The following PCTP variants were observed in gnomAD, a reference collection of about 807,000 sequenced individuals.
The protein encoded by PCTP is phosphatidylcholine transfer protein.
PCTP carries 27 observed loss-of-function variants against 31.0 expected under a neutral mutation model. The observed-to-expected ratio is 0.87, with a 90% CI of 0.64 to 1.20. PCTP has a LOEUF of 1.20. PCTP is among the 50% of genes most tolerant of loss of function. PCTP has a pLI of 0.00. For synonymous variants in PCTP, 108 were observed against 101.2 expected, an observed-to-expected ratio of 1.07 and a Z score of -0.40; for missense variants, 287 against 268.2, an observed-to-expected ratio of 1.07 and a Z score of -0.49.
chr17:55,796,269 A>T (rs1912185441), intron 3 of PCTP, among the ~76,000 whole-genome samples: 1 of 152,024 alleles, frequency 6.6e-6, no homozygotes, highest in African/African-American at 2.4e-5. Flanking sequence ...GTAAGCAAGA[A>T]GAGACTCTCA....
At chr17:55,763,410 A>G (rs1212929029) in intron 1 of PCTP, among the ~76,000 whole-genome samples, 1 of 152,144 alleles carries the variant, frequency 6.6e-6, no homozygotes, top group East Asian at 1.9e-4. Flanking sequence ...TAATCTACTT[A>G]TCCTAAAATT....
intron 2 of PCTP, among the ~76,000 whole-genome samples, chr17:55,785,637 C>T (rs180930849): frequency 2.6e-5 from 4 of 152,316 alleles, no homozygotes; most frequent in Admixed American, 2.0e-4. Context: ...ACACCTTACC[C>T]AGTTTTGTTT....
chr17:55,846,148 C>T (rs554476249), downstream of PCTP, among the ~76,000 whole-genome samples: 6 of 152,138 alleles, frequency 3.9e-5, no homozygotes, highest in East Asian at 1.2e-3. Context: ...AAGTCCAACC[C>T]TGGGGAACTC....
intron 3 of PCTP, among the ~76,000 whole-genome samples, chr17:55,772,805 G>T (rs1911086436): frequency 6.6e-6 from 1 of 152,110 alleles, no homozygotes; most frequent in Non-Finnish European, 1.5e-5. Flanking sequence ...CCAGATCTGG[G>T]ATAAAAATTC....
rs559639362 is a variant in PCTP at position 55,757,256 on chromosome 17, A to T, written c.141+6012A>T. Among the ~76,000 whole-genome samples, 351 of 141,884 alleles carry T rather than the reference A, an allele frequency of 2.5e-3. 2 individuals carry two copies. Among genetic ancestry groups the T allele is most frequent in the Admixed American group, 4.2e-3 (63 of 14,880 alleles). The allele number at this position is 141,884 out of a possible 152,430, so 93.1% of individuals were successfully genotyped here. ...TATATACATGTATACATATATACAC[A>T]TATATGTGTATATACACAAGCATGT... is the stretch of plus-strand genomic sequence containing the variant. On this transcript the variant is annotated intron_variant, in intron 1 of 5. Transcript: ENST00000268896.
intron 3 of PCTP, among the ~76,000 whole-genome samples, chr17:55,805,191 T>C (rs776855066): frequency 6.6e-6 from 1 of 152,206 alleles, no homozygotes; most frequent in Non-Finnish European, 1.5e-5. Flanking sequence ...ATTATCAAAC[T>C]ATTTTCCTCG....
downstream of PCTP, among the ~76,000 whole-genome samples, chr17:55,823,280 A>T (rs1024406283): frequency 1.3e-5 from 2 of 152,228 alleles, no homozygotes; most frequent in Non-Finnish European, 2.9e-5. Context: ...TATTTTGCTG[A>T]TAAATTTAAA....
intron 3 of PCTP, among the ~76,000 whole-genome samples, chr17:55,816,856 A>G (rs1449874683): frequency 1.3e-5 from 2 of 152,228 alleles, no homozygotes; most frequent in Non-Finnish European, 2.9e-5. Flanking sequence ...TTGGAGCAGA[A>G]CGTTTGCTAA....
intron 4 of PCTP, among the ~76,000 whole-genome samples, chr17:55,774,328 G>A (rs1911186990): frequency 6.6e-6 from 1 of 152,166 alleles, no homozygotes; most frequent in South Asian, 2.1e-4. Context: ...TCAGCCCCCA[G>A]GGAGGAAAGC....
Position 55,751,085 on chromosome 17 carries a change from G to C in PCTP, c.-19G>C. The C allele has an allele frequency of 6.6e-7, 1 of 1,517,386 alleles. No individual in the cohort carries two copies. 94.0% of individuals were successfully genotyped at this position (1,517,386 alleles called of 1,614,324 possible). A position where few individuals can be genotyped will look rare whatever the true frequency, so the allele number is the denominator to read the frequency against. On this transcript the variant is annotated 5_prime_UTR_variant, in exon 1 of 6. Coordinates refer to ENST00000268896, the MANE Select transcript of PCTP (RefSeq NM_021213.4). Reference sequence around the variant, plus strand: ...TCCGCGGCCTGCCCTCCAGGCGGAGGAGCCCGGACTGCGGAAGGATGGAGC... The same window carrying C: ...TCCGCGGCCTGCCCTCCAGGCGGAGCAGCCCGGACTGCGGAAGGATGGAGC...
the PCTP span, among the ~76,000 whole-genome samples, chr17:55,849,003 ATAT>A: frequency 2.7e-4 from 41 of 152,332 alleles, no homozygotes; most frequent in South Asian, 6.0e-3. Flanking sequence ...ATACAATAAA[ATAT>A]TATGAGATGT....
At chr17:55,781,923 G>A (rs1455531818), downstream of PCTP, among the ~76,000 whole-genome samples, 1 of 152,078 alleles carries the variant, frequency 6.6e-6, no homozygotes, top group African/African-American at 2.4e-5. Context: ...TTGTGTGTGT[G>A]TGTGTGTGTG....
chr17:55,817,056 T>A (rs1912942894), intron 3 of PCTP, among the ~76,000 whole-genome samples: 1 of 152,234 alleles, frequency 6.6e-6, no homozygotes, highest in Admixed American at 6.5e-5. Flanking sequence ...CAGTATGGTC[T>A]GTTAGATAAA....
At chr17:55,846,517 G>A (rs920721867), downstream of PCTP, among the ~76,000 whole-genome samples, 1 of 152,154 alleles carries the variant, frequency 6.6e-6, no homozygotes, top group Non-Finnish European at 1.5e-5. Context: ...TAGGGGTCAG[G>A]GAAAGGGGAA....
intron 1 of PCTP, among the ~76,000 whole-genome samples, chr17:55,761,001 AT>A (rs1351020715): frequency 6.6e-6 from 1 of 152,188 alleles, no homozygotes; most frequent in Non-Finnish European, 1.5e-5. Context: ...TGGAACAATG[AT>A]TTGGGAATGA....
At chr17:55,781,576 A>C (rs1034874379), downstream of PCTP, among the ~76,000 whole-genome samples, 2 of 152,238 alleles carry the variant, frequency 1.3e-5, no homozygotes, top group African/African-American at 4.8e-5. Flanking sequence ...TCAACAACAG[A>C]CTGCATTCCA....
At chr17:55,758,762 C>T (rs1298862726) in intron 1 of PCTP, among the ~76,000 whole-genome samples, 1 of 152,170 alleles carries the variant, frequency 6.6e-6, no homozygotes, top group Non-Finnish European at 1.5e-5. Flanking sequence ...GTTAGAGTCT[C>T]AGTTTTTCCC....
intron 1 of PCTP, 122 bp from the exon 2 acceptor site, chr17:55,767,213 G>T (rs1910711591): frequency 1.0e-5 from 5 of 478,578 alleles, no homozygotes; most frequent in Non-Finnish European, 1.9e-5. Flanking sequence ...TTTGTAGGTT[G>T]CCTGTTCACT....
intron 5 of PCTP, among the ~76,000 whole-genome samples, chr17:55,833,823 C>T (rs751557927): frequency 6.6e-6 from 1 of 152,132 alleles, no homozygotes; most frequent in Admixed American, 6.5e-5. Context: ...TTTGCCGTTC[C>T]TTAGTTTCAT....
Sources: gnomAD v4.1 joint callset for allele counts (sites outside exome capture counted in the v4.1 genomes callset) on GRCh38, gnomAD v4.1.1 for gene constraint, MANE v1.5 for transcripts, NCBI Gene and HGNC (gene_info 2026-07-23, HGNC 2026-07-21) for gene names.